Variants in CAST observed in about 807,000 individuals in gnomAD.
The protein encoded by CAST is calpastatin, also known as MIR583 host.
In CAST, 76 loss-of-function variants were observed where a neutral mutation model predicts 119.6. The ratio of observed to expected loss-of-function variants is 0.64; its 90% confidence interval spans 0.53 to 0.77. The LOEUF (loss-of-function observed/expected upper bound fraction) is 0.77. Among genes scored for constraint, CAST ranks in the 30% least tolerant of loss-of-function variants. CAST has a pLI of 0.00. For missense variants in CAST, 953 were observed against 946.5 expected (o/e 1.01, Z -0.09); for synonymous variants, 319 against 331.6 (o/e 0.96, Z 0.41).
chr5:96,067,872 T>TAA, the CAST span, among the ~76,000 whole-genome samples: 7 of 143,496 alleles, frequency 4.9e-5, no homozygotes, highest in Admixed American at 7.0e-5. Context: ...AGTTTTCCCT[T>TAA]AAAAAAAAAA....
chr5:96,028,333 T>G, the CAST span, among the ~76,000 whole-genome samples: 1 of 152,046 alleles, frequency 6.6e-6, no homozygotes, highest in African/African-American at 2.4e-5. Flanking sequence ...TATTTCGGTA[T>G]AATTGACAAA....
the CAST span, among the ~76,000 whole-genome samples, chr5:96,068,627 GTA>G: frequency 6.7e-6 from 1 of 148,882 alleles, no homozygotes; most frequent in Non-Finnish European, 1.5e-5. Context: ...GTGTGTGTGT[GTA>G]TAATATGTGT....
the CAST span, among the ~76,000 whole-genome samples, chr5:96,040,553 A>T: frequency 5.3e-5 from 8 of 151,982 alleles, no homozygotes; most frequent in African/African-American, 1.9e-4. Flanking sequence ...TTCCATCGAT[A>T]CCTAGTTTAT....
At chr5:96,638,757 G>A (rs1747914375) in intron 1 of CAST, among the ~76,000 whole-genome samples, 1 of 152,164 alleles carries the variant, frequency 6.6e-6, no homozygotes, top group Non-Finnish European at 1.5e-5. Flanking sequence ...CCTCCCGTGG[G>A]CCTCTTAAGT....
chr5:96,006,346 A>T, the CAST span, among the ~76,000 whole-genome samples: 4 of 151,846 alleles, frequency 2.6e-5, no homozygotes, highest in African/African-American at 9.7e-5. Context: ...CACTAACACC[A>T]ACAATAGCTG....
intron 1 of CAST, among the ~76,000 whole-genome samples, chr5:96,573,294 T>C (rs1367220504): frequency 6.6e-6 from 1 of 152,038 alleles, no homozygotes; most frequent in Admixed American, 6.6e-5. Context: ...GTTTTTTTTG[T>C]TTTATTTTTT....
the CAST span, among the ~76,000 whole-genome samples, chr5:96,094,422 A>AC: frequency 1.3e-5 from 2 of 149,510 alleles, no homozygotes; most frequent in African/African-American, 4.9e-5. Context: ...CAGTAGGGTG[A>AC]CCTTTTTTTT....
At chr5:96,440,664 A>G in the CAST span, among the ~76,000 whole-genome samples, 1 of 152,026 alleles carries the variant, frequency 6.6e-6, no homozygotes. Flanking sequence ...TTACTCAATC[A>G]TTTAGGGTAG....
At chr5:96,518,869 T>G in the CAST span, among the ~76,000 whole-genome samples, 148 of 152,114 alleles carry the variant, frequency 9.7e-4, no homozygotes, top group East Asian at 0.015. Flanking sequence ...TTTTAAAAAA[T>G]TAGCTAGTCA....
chr5:96,765,014 T>C (rs561338033), intron 25 of CAST, among the ~76,000 whole-genome samples: 105 of 151,436 alleles, frequency 6.9e-4, no homozygotes, highest in African/African-American at 2.5e-3. Flanking sequence ...CCAACCCCAG[T>C]AGGGTGACAG....
chr5:96,196,001 G>C, the CAST span, among the ~76,000 whole-genome samples: 1 of 152,068 alleles, frequency 6.6e-6, no homozygotes, highest in Non-Finnish European at 1.5e-5. Flanking sequence ...TAATTGAATA[G>C]GGCAGAATGG....
At chr5:96,627,157 T>C (rs1354838211) in intron 1 of CAST, among the ~76,000 whole-genome samples, 1 of 152,232 alleles carries the variant, frequency 6.6e-6, no homozygotes, top group Non-Finnish European at 1.5e-5. Context: ...AGGAGTCCAA[T>C]GGCTCCATTC....
rs142767701 is a variant in CAST, at chr5:96,744,340, G to A, written c.1200+1584G>A. Among the ~76,000 whole-genome samples, 34 of 152,254 alleles carry A rather than the reference G, an allele frequency of 2.2e-4. No individual in the cohort carries two copies. The East Asian group carries it at 5.4e-3, about 24-fold the overall frequency. The stretch of plus-strand genomic sequence containing the variant: ...ATGGCTAGGGAGGCCTCATAATTAC[G>A]GTGGAAAGTGAATGAGGAGCAAAGT... On this transcript the variant is annotated intron_variant, in intron 16 of 31. Coordinates refer to ENST00000675179, the MANE Select transcript of CAST (RefSeq NM_001750.7).
chr5:96,506,546 G>A, the CAST span, among the ~76,000 whole-genome samples: 562 of 152,306 alleles, frequency 3.7e-3, 7 homozygotes, highest in Non-Finnish European at 3.4e-3. Flanking sequence ...ACTATCAAGG[G>A]AGTCCTGACC....
the CAST span, among the ~76,000 whole-genome samples, chr5:96,466,587 T>C: frequency 6.6e-6 from 1 of 151,782 alleles, no homozygotes; most frequent in Admixed American, 6.6e-5. Flanking sequence ...TTTTTTTCCA[T>C]AAACAGGCAG....
chr5:96,299,566 C>T, the CAST span, among the ~76,000 whole-genome samples: 4 of 152,154 alleles, frequency 2.6e-5, no homozygotes, highest in African/African-American at 9.7e-5. Context: ...TCCTCCTCCA[C>T]AGCACACTGG....
the CAST span, among the ~76,000 whole-genome samples, chr5:96,092,033 G>A: frequency 6.6e-6 from 1 of 152,158 alleles, no homozygotes; most frequent in Non-Finnish European, 1.5e-5. Context: ...ATGAATAAAT[G>A]AGTGATGAAT....
At chr5:96,543,201 C>A (rs1024214076) in intron 1 of CAST, among the ~76,000 whole-genome samples, 1 of 152,076 alleles carries the variant, frequency 6.6e-6, no homozygotes. Flanking sequence ...TACTATGCAG[C>A]CATAAAAAGA....
At chr5:96,365,888 T>C in the CAST span, among the ~76,000 whole-genome samples, 3 of 152,204 alleles carry the variant, frequency 2.0e-5, no homozygotes, top group African/African-American at 7.2e-5. Flanking sequence ...ACCTGGTTAT[T>C]TTGCTCATTA....
Sources: gnomAD v4.1 joint callset for allele counts (sites outside exome capture counted in the v4.1 genomes callset) on GRCh38, gnomAD v4.1.1 for gene constraint, MANE v1.5 for transcripts, NCBI Gene and HGNC (gene_info 2026-07-23, HGNC 2026-07-21) for gene names.